COL4A6: variants seen among roughly 807,000 people sequenced by gnomAD.
COL4A6 encodes the protein collagen alpha-6(IV) chain.
In COL4A6, 59 loss-of-function variants were observed where a neutral mutation model predicts 126.7. The observed-to-expected ratio is 0.47, with a 90% CI of 0.38 to 0.58. COL4A6 has a LOEUF of 0.58. Among genes scored for constraint, COL4A6 ranks in the 20% least tolerant of loss-of-function variants. The probability of loss-of-function intolerance (pLI) is 0.00; values close to 1 mark genes in which losing one functional copy is unlikely to be tolerated. For synonymous variants in COL4A6, 547 were observed against 496.6 expected (o/e 1.10, Z -1.35); for missense variants, 1,285 against 1,337.3 (o/e 0.96, Z 0.61).
chrX:108,312,830 T>G (rs2038792783), intron 2 of COL4A6, among the ~76,000 whole-genome samples: 1 of 111,467 alleles, frequency 9.0e-6, no homozygotes, highest in African/African-American at 3.3e-5. Context: ...AATGTCTGTT[T>G]GAGTGTTCCA....
At chrX:108,272,098 A>G (rs983750561) in intron 3 of COL4A6, among the ~76,000 whole-genome samples, 2 of 111,168 alleles carry the variant, frequency 1.8e-5, no homozygotes, top group African/African-American at 6.5e-5. Flanking sequence ...CTTTTTTTTC[A>G]GGTCCATCTC....
At chrX:108,204,236 T>A in intron 12 of COL4A6, 84 bp downstream of exon 12, 1 of 716,246 alleles carries the variant, frequency 1.4e-6, no homozygotes, top group African/African-American at 2.2e-5. Flanking sequence ...CTTCCAGTAT[T>A]GTCTGGTTAT....
In COL4A6 at chrX:108,231,302, G is replaced by A. The variant is rs1366416264; in HGVS notation, c.145-9928C>T. Among the ~76,000 whole-genome samples, 3 of 112,071 alleles carry A rather than the reference G, an allele frequency of 2.7e-5. No individual in the cohort carries two copies. The East Asian group carries it at 8.4e-4, about 31-fold the overall frequency. Reference sequence around the variant, plus strand: ...TGCATCTACACGTTTTGTTTTCAAAGATACATACACCCATTCCACTGGTTA... The same window carrying A: ...TGCATCTACACGTTTTGTTTTCAAAAATACATACACCCATTCCACTGGTTA... On this transcript the variant is annotated intron_variant, in intron 3 of 44. Coordinates refer to ENST00000334504, the MANE Select transcript of COL4A6 (RefSeq NM_033641.4).
chrX:108,251,270 G>T (rs929886823), intron 3 of COL4A6, among the ~76,000 whole-genome samples: 1 of 111,729 alleles, frequency 9.0e-6, no homozygotes, highest in Non-Finnish European at 1.9e-5. Flanking sequence ...TCCCTAATAT[G>T]TCAATCAAAC....
In COL4A6 at chrX:108,431,669, A is replaced by G. The variant is rs139199832; in HGVS notation, c.63+6273T>C. ...GGACTGGATTAAGGAATACCTAGAA[A>G]CCCGGTAATGTATTATTTTAGGTGT... On this transcript the variant is annotated intron_variant, in intron 2 of 44. Transcript: ENST00000334504. 6.2e-3 allele frequency among the ~76,000 whole-genome samples: 688 copies of G among 111,282 alleles called. 2 individuals carry two copies. Among genetic ancestry groups the G allele is most frequent in the East Asian group, 0.039 (140 of 3,546 alleles).
chrX:108,229,930 T>C (rs978524900), intron 3 of COL4A6, among the ~76,000 whole-genome samples: 1 of 112,188 alleles, frequency 8.9e-6, no homozygotes, highest in African/African-American at 3.2e-5. Context: ...TTGAGAGATA[T>C]TTCAGAGGCT....
At chrX:108,185,358 C>T (rs1051478256) in intron 23 of COL4A6, among the ~76,000 whole-genome samples, 1 of 97,460 alleles carries the variant, frequency 1.0e-5, no homozygotes, top group Non-Finnish European at 2.0e-5. Flanking sequence ...TGCCACTGCA[C>T]TACAGCCTGG....
chrX:108,397,847 T>A (rs770219241), intron 2 of COL4A6, among the ~76,000 whole-genome samples: 1 of 111,791 alleles, frequency 8.9e-6, no homozygotes, highest in African/African-American at 3.2e-5. Flanking sequence ...AGGAATTCCA[T>A]TGAAGTCTGG....
chrX:108,289,950 A>G (rs1327528130), intron 3 of COL4A6, among the ~76,000 whole-genome samples: 2 of 111,576 alleles, frequency 1.8e-5, no homozygotes, highest in African/African-American at 3.3e-5. Flanking sequence ...TACTTACACC[A>G]TGGATATCTG....
At chrX:108,162,780 G>T in intron 41 of COL4A6, 112 bp downstream of exon 41, 1 of 837,151 alleles carries the variant, frequency 1.2e-6, no homozygotes, top group South Asian at 3.3e-5. Flanking sequence ...TGTGAAGGAA[G>T]AGAGGCAACG....
At chrX:108,264,658 T>C (rs1358170909) in intron 3 of COL4A6, among the ~76,000 whole-genome samples, 2 of 111,784 alleles carry the variant, frequency 1.8e-5, no homozygotes, top group African/African-American at 6.5e-5. Context: ...ATGGTTTTTT[T>C]CTTCTAAAAA....
intron 28 of COL4A6, among the ~76,000 whole-genome samples, chrX:108,176,462 C>T (rs993441700): frequency 5.4e-5 from 6 of 110,744 alleles, no homozygotes; most frequent in South Asian, 7.7e-4. Flanking sequence ...TGACCTTAAA[C>T]CACTCACTTT....
intron 2 of COL4A6, among the ~76,000 whole-genome samples, chrX:108,408,480 A>G (rs1352613989): frequency 8.9e-6 from 1 of 112,097 alleles, no homozygotes; most frequent in Admixed American, 9.4e-5. Flanking sequence ...AAAAATCTGC[A>G]GCCATTTGCA....
chrX:108,282,220 T>C (rs2037858147), intron 3 of COL4A6, among the ~76,000 whole-genome samples: 1 of 94,769 alleles, frequency 1.1e-5, no homozygotes, highest in African/African-American at 3.7e-5. Flanking sequence ...ACCTACAAAA[T>C]GGGAGAAAAT....
At chrX:108,392,457 G>GAA (rs368727247) in intron 2 of COL4A6, among the ~76,000 whole-genome samples, 3 of 92,633 alleles carry the variant, frequency 3.2e-5, no homozygotes, top group African/African-American at 3.9e-5. Context: ...CAAATGATCT[G>GAA]AAAAAAAAAA....
Position 108,289,360 on chromosome X carries a change from C to T in COL4A6, c.144+21388G>A, listed in dbSNP as rs182614885. Among the ~76,000 whole-genome samples, 590 of 108,977 alleles carry T rather than the reference C, an allele frequency of 5.4e-3. 1 individual carries two copies. The highest frequency in any genetic ancestry group is 0.019 in the African/African-American group (574 of 29,838). The allele number at this position is 108,977 out of a possible 115,157, so 94.6% of individuals were successfully genotyped here. ...TGAAAATTCAAATATCTGCAACTCA[C>T]TCTCAAATAGTTTGTAGAAATAAAG... On this transcript the variant is annotated intron_variant, in intron 3 of 44. Coordinates refer to ENST00000334504, the MANE Select transcript of COL4A6 (RefSeq NM_033641.4).
intron 43 of COL4A6, 128 bp downstream of exon 43, chrX:108,160,335 C>T: frequency 2.0e-5 from 13 of 649,017 alleles, no homozygotes; most frequent in Non-Finnish European, 3.1e-5. Flanking sequence ...ATCCACCTGA[C>T]TCCAGAGCTG....
chrX:108,225,666 C>T (rs1322660520), intron 3 of COL4A6, among the ~76,000 whole-genome samples: 1 of 112,573 alleles, frequency 8.9e-6, no homozygotes, highest in Non-Finnish European at 1.9e-5. Context: ...GTAAAAGACC[C>T]AGAAATGGGG....
chrX:108,242,179 C>A (rs1288915642), intron 3 of COL4A6, among the ~76,000 whole-genome samples: 2 of 110,519 alleles, frequency 1.8e-5, no homozygotes, highest in Non-Finnish European at 3.8e-5. Flanking sequence ...AGAATCCAAA[C>A]CAGGATACCT....
Sources: gnomAD v4.1 joint callset for allele counts (sites outside exome capture counted in the v4.1 genomes callset) on GRCh38, gnomAD v4.1.1 for gene constraint, MANE v1.5 for transcripts, NCBI Gene and HGNC (gene_info 2026-07-23, HGNC 2026-07-21) for gene names.